The following USP38 variants were observed in gnomAD, a reference collection of about 807,000 sequenced individuals.
USP38 encodes the protein ubiquitin specific peptidase 38.
USP38 carries 49 observed loss-of-function variants against 94.3 expected under a neutral mutation model. The ratio of observed to expected loss-of-function variants is 0.52; its 90% CI spans 0.41 to 0.66. The LOEUF (loss-of-function observed/expected upper bound fraction) is 0.66. USP38 is among the 30% of genes least tolerant of loss of function. The pLI is 0.00. For missense variants in USP38, 1,128 were observed against 1,229.4 expected (o/e 0.92, Z 1.23); for synonymous variants, 468 against 463.6 (o/e 1.01, Z -0.12).
chr4:143,206,188 T>C lies in USP38; in HGVS notation c.1365T>C (p.Tyr455=), dbSNP rs1561244092. The C allele has an allele frequency of 1.1e-5, 17 of 1,612,664 alleles. No individual in the cohort carries two copies. The highest frequency in any genetic ancestry group is 1.4e-5 in the Non-Finnish European group (16 of 1,179,602). Residue 455 remains tyrosine, a synonymous_variant, in exon 6 of 10, where the codon TAT becomes TAC. Coordinates refer to ENST00000307017, the MANE Select transcript of USP38 (RefSeq NM_032557.6). ...TTATTAACCTAGGAAATACATGTTA[T>C]ATGAACAGTGTTATACAAGCCTTGT... ...TGLINLGNTC[Y]MNSVIQALFM...
chr4:143,192,291 T>C (rs1707975496), intron 2 of USP38, among the ~76,000 whole-genome samples: 1 of 152,142 alleles, frequency 6.6e-6, no homozygotes. Flanking sequence ...TTCCCACAGT[T>C]CTGGAGGCTG....
At position 143,214,326 on chromosome 4, in the gene USP38, G is replaced by T. The variant is rs770499256; in HGVS notation, c.2350G>T (p.Val784Leu). 49 of 1,613,024 alleles carry T rather than the reference G, an allele frequency of 3.0e-5. No homozygotes were observed. In the East Asian group the frequency reaches 8.0e-4, roughly 26 times the overall value. Residue 784 changes from valine to leucine, a missense_variant, in exon 9 of 10, where the codon GTA becomes TTA. Transcript: ENST00000307017. ...YHVRRKILDN[V>L]SLPLVLELPV... ...TGTGAGAAGGAAAATTTTAGACAAT[G>T]TATCACTGCCACTGGTTTTGGAGTT...
chr4:143,213,944 A>C lies in USP38; in HGVS notation c.1968A>C (p.Glu656Asp). The change falls in exon 9 of 10, where the codon GAA becomes GAC. Residue 656 changes from glutamate to aspartate, a missense_variant. Coordinates refer to ENST00000307017, the MANE Select transcript of USP38 (RefSeq NM_032557.6). ...CCTCTGTACCCGGTCCTTCAGAAGA[A>C]CCAGTAGTTTATAATCCAACAACAG... is the stretch of plus-strand genomic sequence containing the variant. ...MQASVPGPSE[E>D]PVVYNPTTAA... 2 of 1,613,726 alleles carry C rather than the reference A, an allele frequency of 1.2e-6. No homozygotes were observed. Among genetic ancestry groups the C allele is most frequent in the Non-Finnish European group, 1.7e-6 (2 of 1,179,820 alleles).
At chr4:143,188,080 T>A (rs1020933085) in intron 2 of USP38, 119 bp downstream of exon 2, 1 of 1,194,732 alleles carries the variant, frequency 8.4e-7, no homozygotes, top group Non-Finnish European at 1.1e-6. Context: ...GAATGACATA[T>A]GTAAAGATTC....
At chr4:143,210,547 A>T (rs1220350762) in intron 7 of USP38, among the ~76,000 whole-genome samples, 1 of 151,888 alleles carries the variant, frequency 6.6e-6, no homozygotes. Context: ...AGATCGTGCC[A>T]CTGCACTCCA....
At chr4:143,208,152 A>T (rs561080255) in intron 6 of USP38, among the ~76,000 whole-genome samples, 10 of 152,174 alleles carry the variant, frequency 6.6e-5, no homozygotes, top group Non-Finnish European at 1.5e-4. Context: ...TATTCGAAAT[A>T]TTCCCATATT....
At chr4:143,187,208 A>G (rs1379911224) in intron 1 of USP38, among the ~76,000 whole-genome samples, 1 of 152,154 alleles carries the variant, frequency 6.6e-6, no homozygotes, top group Non-Finnish European at 1.5e-5. Flanking sequence ...TAATTTGTAT[A>G]CAGTTTAAGC....
Position 143,185,698 on chromosome 4 carries a change from C to G in USP38, c.248C>G (p.Thr83Ser). The stretch of plus-strand genomic sequence containing the variant: ...GAGTTCGAGTCCTTCTTCAACAAGA[C>G]CTTCGTGTTGGGCCTCCTTCATCAG... ...RPEFESFFNK[T>S]FVLGLLHQGY... Residue 83 changes from threonine (T) to serine (S), a missense_variant, in exon 1 of 10, where the codon ACC (threonine) becomes AGC (serine). By Grantham distance (58) the Thr-to-Ser change is moderately conservative. Transcript: ENST00000307017. 4 of 1,614,184 alleles carry G rather than the reference C, an allele frequency of 2.5e-6. No homozygotes were observed. In the South Asian group the frequency reaches 4.4e-5, roughly 18 times the overall value.
chr4:143,199,517 G>A (rs1436586471), intron 4 of USP38, among the ~76,000 whole-genome samples: 1 of 152,038 alleles, frequency 6.6e-6, no homozygotes, highest in Non-Finnish European at 1.5e-5. Flanking sequence ...AGGATTGCTG[G>A]GTCAAATGCC....
In USP38 at chr4:143,212,310, C is replaced by T. The variant is rs1324169980; in HGVS notation, c.1498-8C>T. 6.3e-7 allele frequency: 1 copy of T among 1,596,550 alleles called. No individual in the cohort carries two copies. Among genetic ancestry groups the T allele is most frequent in the South Asian group, 1.1e-5 (1 of 88,152 alleles). On this transcript the variant is annotated splice_polypyrimidine_tract_variant and splice_region_variant and intron_variant, in intron 7 of 9. Coordinates refer to ENST00000307017, the MANE Select transcript of USP38 (RefSeq NM_032557.6). ...ACTTCCTTATATTTTCTCAATTGCT[C>T]TCAAAAGAGGGAAGCATACGCACCT... is the stretch of plus-strand genomic sequence containing the variant.
chr4:143,221,182 A>G lies in USP38; in HGVS notation c.*726A>G, dbSNP rs1732314295. ...TTTAAAATTCTATTTCAGGGAGTAT[A>G]TCTTCTGTGGTTTTGAAGGAGGTGA... On this transcript the variant is annotated 3_prime_UTR_variant, in exon 10 of 10. Coordinates refer to ENST00000307017, the MANE Select transcript of USP38 (RefSeq NM_032557.6). 6.6e-6 allele frequency: 1 copy of G among 152,574 alleles called. No individual in the cohort carries two copies. The highest frequency in any genetic ancestry group is 1.5e-5 in the Non-Finnish European group (1 of 68,002). 9.5% of individuals were successfully genotyped at this position (152,574 alleles called of 1,614,324 possible).
At chr4:143,219,198 T>C (rs1036533215) in intron 9 of USP38, among the ~76,000 whole-genome samples, 1 of 152,068 alleles carries the variant, frequency 6.6e-6, no homozygotes. Flanking sequence ...AAGGTCCCTT[T>C]CAGCCATAAA....
intron 1 of USP38, 27 bp from the exon 2 acceptor site, chr4:143,187,799 C>T: frequency 3.8e-6 from 6 of 1,583,130 alleles, no homozygotes; most frequent in Non-Finnish European, 5.1e-6. Flanking sequence ...TTGCCATGTT[C>T]CCTTTTCTTT....
In USP38 at chr4:143,214,267, C is replaced by T; in HGVS notation, c.2291C>T (p.Thr764Ile). 1 of 1,613,316 alleles carries T rather than the reference C, an allele frequency of 6.2e-7. No individual in the cohort carries two copies. Among genetic ancestry groups the T allele is most frequent in the Non-Finnish European group, 8.5e-7 (1 of 1,179,718 alleles). The change falls in exon 9 of 10, where the codon ACT becomes ATT. Residue 764 changes from threonine (T) to isoleucine (I), a missense_variant. Transcript: ENST00000307017. ...ITEEPEYLIL[T>I]LLRFSYDQKY... The stretch of plus-strand genomic sequence containing the variant: ...GAGGAACCTGAATACCTTATTCTTA[C>T]TCTCCTGAGATTTTCATATGATCAG...
intron 4 of USP38, 58 bp from the exon 5 acceptor site, chr4:143,203,350 A>C: frequency 1.1e-5 from 16 of 1,521,986 alleles, no homozygotes; most frequent in Non-Finnish European, 1.4e-5. Flanking sequence ...TTTGTAGGCT[A>C]GAGAATGTGT....
At position 143,193,280 on chromosome 4, in the gene USP38, A is replaced by G. The variant is rs78861271; in HGVS notation, c.819-2436A>G. Among the ~76,000 whole-genome samples, 177 of 152,134 alleles carry G rather than the reference A, an allele frequency of 1.2e-3. 1 individual carries two copies. Among genetic ancestry groups the G allele is most frequent in the African/African-American group, 4.1e-3 (171 of 41,510 alleles). ...TTTCCATTTTAGATTCCTCATGGAT[A>G]GATTCATGTACATCTATCTTATTAT... is the stretch of plus-strand genomic sequence containing the variant. On this transcript the variant is annotated intron_variant, in intron 2 of 9. Coordinates refer to ENST00000307017, the MANE Select transcript of USP38 (RefSeq NM_032557.6).
intron 4 of USP38, among the ~76,000 whole-genome samples, chr4:143,200,631 T>TC (rs1366120180): frequency 6.6e-6 from 1 of 152,146 alleles, no homozygotes; most frequent in Non-Finnish European, 1.5e-5. Context: ...GAAAACCCCA[T>TC]AGTCTCAGCG....
intron 1 of USP38, 67 bp from the exon 2 acceptor site, chr4:143,187,753 TGTAAAG>T: frequency 1.4e-6 from 2 of 1,475,516 alleles, no homozygotes; most frequent in Non-Finnish European, 1.8e-6. Flanking sequence ...TTTTTTTTTT[TGTAAAG>T]TGTTGTTCTT....
rs779852664 is a variant in USP38, at chr4:143,214,140, C to G, written c.2164C>G (p.Leu722Val). The change falls in exon 9 of 10, where the codon CTA (leucine) becomes GTA (valine). Residue 722 changes from leucine (L) to valine (V), a missense_variant. Coordinates refer to ENST00000307017, the MANE Select transcript of USP38 (RefSeq NM_032557.6). ...AACCACACCTTCAGTAACTGACTTA[C>G]TAAATTATTTTTTGGCTCCAGAGAT... Reference protein sequence around the residue: ...GETTPSVTDLLNYFLAPEILT... With the variant: ...GETTPSVTDLVNYFLAPEILT... The G allele has an allele frequency of 6.2e-7, 1 of 1,612,736 alleles. No homozygotes were observed. Among genetic ancestry groups the G allele is most frequent in the Non-Finnish European group, 8.5e-7 (1 of 1,179,576 alleles).
Sources: gnomAD v4.1 joint callset for allele counts (sites outside exome capture counted in the v4.1 genomes callset) on GRCh38, gnomAD v4.1.1 for gene constraint, MANE v1.5 for transcripts, NCBI Gene and HGNC (gene_info 2026-07-23, HGNC 2026-07-21) for gene names.